The following PCDH9 variants were observed in gnomAD, a reference collection of about 807,000 sequenced individuals.
PCDH9 encodes protocadherin-9.
In PCDH9, 24 loss-of-function variants were observed where a neutral mutation model predicts 70.6. The ratio of observed to expected loss-of-function variants is 0.34; its 90% CI spans 0.25 to 0.48. The LOEUF is 0.48. PCDH9 is among the 20% of genes least tolerant of loss of function. PCDH9 has a pLI of 0.99. For synonymous variants in PCDH9, 562 were observed against 558.5 expected (o/e 1.01, Z -0.09); for missense variants, 1,281 against 1,503.6 (o/e 0.85, Z 2.45).
chr13:67,094,786 A>G lies in PCDH9; in HGVS notation c.3036+130619T>C, dbSNP rs185048606. Among the ~76,000 whole-genome samples, 10 of 152,060 alleles carry G rather than the reference A, an allele frequency of 6.6e-5. No homozygotes were observed. The East Asian group carries it at 1.9e-3, about 29-fold the overall frequency. On this transcript the variant is annotated intron_variant, in intron 2 of 4. Coordinates refer to ENST00000377865, the MANE Select transcript of PCDH9 (RefSeq NM_203487.3). The stretch of plus-strand genomic sequence containing the variant: ...TCTGTCCAATTTCTAAATCTTGTGA[A>G]TTTTCTGAATTCCATTCTTGGGAAA...
chr13:66,730,892 T>TTTTG (rs1183811386), intron 3 of PCDH9, among the ~76,000 whole-genome samples: 15 of 23,910 alleles, frequency 6.3e-4, no homozygotes, highest in Non-Finnish European at 1.0e-3. Context: ...TTTTTGTTTG[T>TTTTG]TTCTTTTTTT....
chr13:66,874,494 C>T (rs1238397937), intron 3 of PCDH9, among the ~76,000 whole-genome samples: 1 of 152,140 alleles, frequency 6.6e-6, no homozygotes, highest in Non-Finnish European at 1.5e-5. Context: ...ATCTTTACCA[C>T]AGTCAGTCAT....
intron 4 of PCDH9, among the ~76,000 whole-genome samples, chr13:66,365,754 T>C (rs1593863952): frequency 6.6e-6 from 1 of 152,172 alleles, no homozygotes; most frequent in East Asian, 1.9e-4. Context: ...ACACATTTTG[T>C]CTTTAAACCC....
intron 3 of PCDH9, among the ~76,000 whole-genome samples, chr13:66,747,365 C>A (rs1223678902): frequency 7.5e-4 from 12 of 16,002 alleles, no homozygotes; most frequent in African/African-American, 8.7e-4. Context: ...CAAAACAAAA[C>A]AAAACAAAAC....
intron 4 of PCDH9, among the ~76,000 whole-genome samples, chr13:66,441,496 A>T (rs1042637645): frequency 2.6e-5 from 4 of 152,192 alleles, no homozygotes; most frequent in African/African-American, 9.6e-5. Flanking sequence ...TATTAAATAA[A>T]TTCTGTTATT....
chr13:66,522,934 T>C (rs1026873603), intron 4 of PCDH9, among the ~76,000 whole-genome samples: 2 of 152,128 alleles, frequency 1.3e-5, no homozygotes, highest in Non-Finnish European at 2.9e-5. Context: ...TGACACAATA[T>C]CTTATTCTTA....
At chr13:67,095,822 G>A (rs1594505652) in intron 2 of PCDH9, among the ~76,000 whole-genome samples, 2 of 152,238 alleles carry the variant, frequency 1.3e-5, no homozygotes, top group South Asian at 4.1e-4. Flanking sequence ...TGTTGGCTGT[G>A]TTACGTAACA....
intron 4 of PCDH9, among the ~76,000 whole-genome samples, chr13:66,325,577 G>C (rs1955828990): frequency 6.6e-6 from 1 of 151,980 alleles, no homozygotes; most frequent in Non-Finnish European, 1.5e-5. Flanking sequence ...GAGAGATAAA[G>C]GATGCCTTCC....
At chr13:66,933,791 G>A (rs1012989474) in intron 2 of PCDH9, among the ~76,000 whole-genome samples, 1 of 149,518 alleles carries the variant, frequency 6.7e-6, no homozygotes, top group Admixed American at 6.7e-5. Context: ...TAGAAAATTT[G>A]TATTAATATG....
At position 66,782,026 on chromosome 13, in the gene PCDH9, A is replaced by G. The variant is rs142431035; in HGVS notation, c.3138+121478T>C. ...TTATTTTGTCCAAGTAAATCTCAATATATCAAACTTCTTGGATTCAGAATT... is the reference window on the plus strand; with the variant it reads ...TTATTTTGTCCAAGTAAATCTCAATGTATCAAACTTCTTGGATTCAGAATT... On this transcript the variant is annotated intron_variant, in intron 3 of 4. Coordinates refer to ENST00000377865, the MANE Select transcript of PCDH9 (RefSeq NM_203487.3). Among the ~76,000 whole-genome samples the G allele has an allele frequency of 8.5e-4, 130 of 152,250 alleles. 2 individuals are homozygous for G. Among genetic ancestry groups the G allele is most frequent in the African/African-American group, 2.6e-3 (107 of 41,566 alleles).
intron 2 of PCDH9, among the ~76,000 whole-genome samples, chr13:67,037,770 C>T (rs2085038780): frequency 6.6e-6 from 1 of 152,064 alleles, no homozygotes; most frequent in South Asian, 2.1e-4. Flanking sequence ...GATGGAAACT[C>T]GGGTGATGGT....
chr13:66,479,888 G>C (rs914929576), intron 4 of PCDH9, among the ~76,000 whole-genome samples: 1 of 152,134 alleles, frequency 6.6e-6, no homozygotes, highest in Admixed American at 6.5e-5. Flanking sequence ...GACAAATAAG[G>C]GAATAAAAGC....
At chr13:66,519,699 G>T (rs1566387111) in intron 4 of PCDH9, among the ~76,000 whole-genome samples, 1 of 152,048 alleles carries the variant, frequency 6.6e-6, no homozygotes, top group Non-Finnish European at 1.5e-5. Flanking sequence ...ATCCTGATAC[G>T]ATGAAAGAGG....
At chr13:66,641,199 T>C (rs1480245147) in intron 3 of PCDH9, among the ~76,000 whole-genome samples, 2 of 152,316 alleles carry the variant, frequency 1.3e-5, no homozygotes, top group East Asian at 3.9e-4. Flanking sequence ...TGGATTATGA[T>C]TAATTCTGAG....
chr13:66,427,445 T>C (rs1173564238), intron 4 of PCDH9, among the ~76,000 whole-genome samples: 1 of 151,774 alleles, frequency 6.6e-6, no homozygotes, highest in Non-Finnish European at 1.5e-5. Flanking sequence ...CCACATGTCA[T>C]GTGTAGGAAA....
intron 4 of PCDH9, among the ~76,000 whole-genome samples, chr13:66,612,659 A>G (rs2077306918): frequency 6.6e-6 from 1 of 152,172 alleles, no homozygotes; most frequent in Non-Finnish European, 1.5e-5. Flanking sequence ...GGATCCCTGA[A>G]GAAACTCAAC....
chr13:66,538,814 T>C (rs751312064), intron 4 of PCDH9, among the ~76,000 whole-genome samples: 6 of 152,106 alleles, frequency 3.9e-5, no homozygotes, highest in Non-Finnish European at 8.8e-5. Flanking sequence ...TGAAGACCAT[T>C]ACAGGTTTGG....
intron 2 of PCDH9, among the ~76,000 whole-genome samples, chr13:66,947,323 T>C (rs1594297849): frequency 6.6e-6 from 1 of 152,150 alleles, no homozygotes; most frequent in Admixed American, 6.6e-5. Flanking sequence ...CTTTTACAGT[T>C]GAGGAAGCCA....
intron 2 of PCDH9, chr13:67,201,181 G>A (rs2089202178): frequency 6.6e-6 from 1 of 152,092 alleles, no homozygotes; most frequent in East Asian, 1.9e-4. Context: ...ACAATTTTAT[G>A]AGTGCAATAA....
Sources: gnomAD v4.1 joint callset for allele counts (sites outside exome capture counted in the v4.1 genomes callset) on GRCh38, gnomAD v4.1.1 for gene constraint, MANE v1.5 for transcripts, NCBI Gene and HGNC (gene_info 2026-07-23, HGNC 2026-07-21) for gene names.